Variants in PRKCQ observed in about 807,000 individuals in gnomAD.
The protein encoded by PRKCQ is protein kinase C theta type.
In PRKCQ, 41 loss-of-function variants were observed where a neutral mutation model predicts 91.2. The ratio of observed to expected loss-of-function variants is 0.45; its 90% CI spans 0.35 to 0.58. PRKCQ has a LOEUF of 0.58. Among genes scored for constraint, PRKCQ ranks in the 20% least tolerant of loss-of-function variants. The pLI is 0.00. For synonymous variants in PRKCQ, 307 were observed against 316.9 expected (o/e 0.97, Z 0.33); for missense variants, 673 against 896.5 (o/e 0.75, Z 3.18).
At chr10:6,463,025 TA>T (rs1292604578) in intron 13 of PRKCQ, among the ~76,000 whole-genome samples, 2 of 148,466 alleles carry the variant, frequency 1.3e-5, no homozygotes, top group African/African-American at 5.0e-5. Flanking sequence ...AAAAAAGTAA[TA>T]GTATAGATAA....
Position 6,483,693 on chromosome 10 carries a change from G to A in PRKCQ, c.1019-93C>T, listed in dbSNP as rs147089965. On this transcript the variant is annotated intron_variant, in intron 10 of 17. Coordinates refer to ENST00000263125, the MANE Select transcript of PRKCQ (RefSeq NM_006257.5). Reference sequence around the variant, plus strand: ...ACATGCTTTCTCTTCTACTTCCCATGCTGAGGCTCCATCATAGTAATTGGG... The same window carrying A: ...ACATGCTTTCTCTTCTACTTCCCATACTGAGGCTCCATCATAGTAATTGGG... The A allele has an allele frequency of 1.5e-3, 2,189 of 1,434,068 alleles. 23 individuals are homozygous for A. In the African/African-American group the frequency reaches 0.028, roughly 18 times the overall value. The allele number at this position is 1,434,068 out of a possible 1,614,324, so 88.8% of individuals were successfully genotyped here.
In PRKCQ at chr10:6,483,666, G is replaced by A. The variant is rs1173582683; in HGVS notation, c.1019-66C>T. On this transcript the variant is annotated intron_variant, in intron 10 of 17. Transcript: ENST00000263125. ...ATGGAGGTCATTCTAGTTACTGAGA[G>A]CACATGCTTTCTCTTCTACTTCCCA... 8 of 1,559,210 alleles carry A rather than the reference G, an allele frequency of 5.1e-6. No individual in the cohort carries two copies. In the Admixed American group the frequency reaches 1.1e-4, roughly 21 times the overall value.
rs192113664 is a variant in PRKCQ at position 6,489,798 on chromosome 10, G to A, written c.790+1885C>T. Among the ~76,000 whole-genome samples, 23 of 152,090 alleles carry A rather than the reference G, an allele frequency of 1.5e-4. No homozygotes were observed. In the East Asian group the frequency reaches 2.9e-3, roughly 19 times the overall value. On this transcript the variant is annotated intron_variant, in intron 8 of 17. Coordinates refer to ENST00000263125, the MANE Select transcript of PRKCQ (RefSeq NM_006257.5). The stretch of plus-strand genomic sequence containing the variant: ...GAGAGAGCGGGGAACAGAATGGAGC[G>A]GAAAGGAAAGAGTATTCAAGGAAAG...
intron 1 of PRKCQ, among the ~76,000 whole-genome samples, chr10:6,530,067 GC>G (rs1839336458): frequency 6.6e-6 from 1 of 152,164 alleles, no homozygotes; most frequent in African/African-American, 2.4e-5. Context: ...TGGAATATCT[GC>G]CTACTATATT....
the PRKCQ span, among the ~76,000 whole-genome samples, chr10:6,407,519 G>T: frequency 6.6e-6 from 1 of 151,494 alleles, no homozygotes; most frequent in Admixed American, 6.6e-5. The surrounding 1 kb of genome is among the most constrained non-coding windows in gnomAD (Gnocchi z 4.0). Flanking sequence ...TGGTGTTTGT[G>T]TCATGTGTAT....
intron 1 of PRKCQ, among the ~76,000 whole-genome samples, chr10:6,519,237 G>T (rs1838902189): frequency 6.6e-6 from 1 of 152,178 alleles, no homozygotes; most frequent in Non-Finnish European, 1.5e-5. Context: ...AAAAATATGT[G>T]CTGGAATAGC....
intron 16 of PRKCQ, among the ~76,000 whole-genome samples, chr10:6,440,442 C>T (rs1302545019): frequency 1.3e-5 from 2 of 152,202 alleles, no homozygotes; most frequent in Non-Finnish European, 2.9e-5. Flanking sequence ...GAAGTCTCAG[C>T]TTTAGCCATC....
At chr10:6,505,654 CCTTT>C (rs755020155) in intron 4 of PRKCQ, among the ~76,000 whole-genome samples, 33 of 150,166 alleles carry the variant, frequency 2.2e-4, no homozygotes, top group Non-Finnish European at 4.1e-4. Flanking sequence ...CCTTTCCTTT[CCTTT>C]CTTTCCTTTC....
intron 1 of PRKCQ, among the ~76,000 whole-genome samples, chr10:6,526,208 G>T (rs2130890029): frequency 6.6e-6 from 1 of 152,182 alleles, no homozygotes; most frequent in East Asian, 1.9e-4. Context: ...CAGGATCCTT[G>T]GTATTTATGA....
rs1007046040 is a variant in PRKCQ, at chr10:6,497,495, A to G, written c.543-244T>C. On this transcript the variant is annotated intron_variant, in intron 5 of 17. Coordinates refer to ENST00000263125, the MANE Select transcript of PRKCQ (RefSeq NM_006257.5). This position sits in a 1 kb window ranked among gnomAD's most constrained non-coding sequence, Gnocchi z 4.5. ...TTTATCATCCTTGTATTTTCCAAACATATAGAGATTAAAATGCATGAATGA... is the reference window on the plus strand; with the variant it reads ...TTTATCATCCTTGTATTTTCCAAACGTATAGAGATTAAAATGCATGAATGA... Among the ~76,000 whole-genome samples the G allele has an allele frequency of 6.6e-6, 1 of 152,246 alleles. No individual in the cohort carries two copies. The highest frequency in any genetic ancestry group is 2.4e-5 in the African/African-American group (1 of 41,462).
chr10:6,537,000 T>A (rs928885469), intron 1 of PRKCQ, among the ~76,000 whole-genome samples: 1 of 152,050 alleles, frequency 6.6e-6, no homozygotes, highest in African/African-American at 2.4e-5. Context: ...GGGCTCAGAG[T>A]AGCATGAGCT....
intron 1 of PRKCQ, among the ~76,000 whole-genome samples, chr10:6,541,110 T>C (rs1471611154): frequency 6.6e-6 from 1 of 152,222 alleles, no homozygotes; most frequent in Non-Finnish European, 1.5e-5. Flanking sequence ...AGACCATGAA[T>C]GAACTGACTT....
At chr10:6,441,796 T>C in intron 16 of PRKCQ, 97 bp downstream of exon 16, 1 of 1,260,712 alleles carries the variant, frequency 7.9e-7, no homozygotes, top group South Asian at 1.6e-5. Flanking sequence ...TAATAATCAT[T>C]GTTTGCCACA....
At chr10:6,404,034 G>T in the PRKCQ span, among the ~76,000 whole-genome samples, 3 of 152,046 alleles carry the variant, frequency 2.0e-5, no homozygotes, top group Non-Finnish European at 2.9e-5. Flanking sequence ...GGCCTAAAAA[G>T]GGGGAGAGGA....
chr10:6,483,513 G>C lies in PRKCQ; in HGVS notation c.1106C>G (p.Pro369Arg), dbSNP rs748058127. ...LPEPELNKER[P>R]SLQIKLKIED... ...AATTTTTAGTTTAATCTGCAGAGAT[G>C]GTCTTTCTTTGTTCAGTTCAGGTTC... The change falls in exon 11 of 18, where the codon CCA (proline) becomes CGA (arginine). Residue 369 changes from proline to arginine, a missense_variant. By Grantham distance (103) the Pro-to-Arg change is moderately radical. Transcript: ENST00000263125. The C allele has an allele frequency of 1.9e-6, 3 of 1,614,022 alleles. No individual in the cohort carries two copies. The highest frequency in any genetic ancestry group is 2.7e-5 in the African/African-American group (2 of 74,912).
intron 1 of PRKCQ, among the ~76,000 whole-genome samples, chr10:6,536,012 C>A (rs1400058453): frequency 1.3e-5 from 2 of 152,050 alleles, no homozygotes; most frequent in Non-Finnish European, 2.9e-5. Context: ...CAGGCCCTAC[C>A]CCTGGTTCTA....
chr10:6,482,652 G>T (rs1178042545), intron 11 of PRKCQ, among the ~76,000 whole-genome samples: 1 of 152,160 alleles, frequency 6.6e-6, no homozygotes, highest in Non-Finnish European at 1.5e-5. Context: ...GTATTAGTCT[G>T]TTATCACACT....
At chr10:6,503,597 T>C (rs1661997424) in intron 4 of PRKCQ, among the ~76,000 whole-genome samples, 1 of 152,144 alleles carries the variant, frequency 6.6e-6, no homozygotes, top group African/African-American at 2.4e-5. Context: ...AAGAGAAACA[T>C]GGGAGACATG....
At chr10:6,575,156 T>C (rs2130984788) in intron 1 of PRKCQ, among the ~76,000 whole-genome samples, 1 of 152,290 alleles carries the variant, frequency 6.6e-6, no homozygotes, top group African/African-American at 2.4e-5. Flanking sequence ...TACAAAATAG[T>C]ACAAATATCT....
Sources: allele counts gnomAD v4.1 joint callset (sites outside exome capture counted in the v4.1 genomes callset), GRCh38; gene constraint gnomAD v4.1.1; non-coding constraint Gnocchi (gnomAD v3.1); transcripts MANE v1.5; gene names NCBI Gene and HGNC (gene_info 2026-07-23, HGNC 2026-07-21).